CDK5RAP2: variants seen among roughly 807,000 people sequenced by gnomAD.
The protein encoded by CDK5RAP2 is CDK5 regulatory subunit associated protein 2.
In CDK5RAP2, 147 loss-of-function variants were observed where a neutral mutation model predicts 232.9. The observed-to-expected ratio is 0.63, with a 90% CI of 0.55 to 0.72. The LOEUF is 0.72. CDK5RAP2 is among the 30% of genes least tolerant of loss of function. The pLI, the probability that CDK5RAP2 is intolerant of heterozygous loss-of-function variation, is 0.00. For missense variants in CDK5RAP2, 2,195 were observed against 2,231.5 expected (o/e 0.98, Z 0.33); for synonymous variants, 833 against 833.7 (o/e 1.00, Z 0.01).
intron 16 of CDK5RAP2, among the ~76,000 whole-genome samples, chr9:120,470,584 T>C (rs2037641529): frequency 6.6e-6 from 1 of 151,680 alleles, no homozygotes; most frequent in Non-Finnish European, 1.5e-5. Flanking sequence ...TAGGGGAAAA[T>C]GCAGAAAAAT....
rs1210809252 is a variant in CDK5RAP2 at position 120,476,549 on chromosome 9, T to C, written c.1727+801A>G. ...AAAAAATTAGCCGGGCGTGGTGGTA[T>C]GTGCCTGTAGTCCCAACTACTTGGG... On this transcript the variant is annotated intron_variant, in intron 15 of 37. Transcript: ENST00000349780. Among the ~76,000 whole-genome samples the C allele has an allele frequency of 5.3e-5, 8 of 151,906 alleles. No homozygotes were observed. The South Asian group carries it at 1.7e-3, about 32-fold the overall frequency.
At chr9:120,461,874 C>T (rs1279901219) in intron 18 of CDK5RAP2, among the ~76,000 whole-genome samples, 1 of 152,274 alleles carries the variant, frequency 6.6e-6, no homozygotes, top group Non-Finnish European at 1.5e-5. Context: ...GAGTCTGCAC[C>T]GAAGGTGCTG....
In CDK5RAP2 at chr9:120,403,665, C is replaced by A; in HGVS notation, c.5041+371G>T. Reference sequence around the variant, plus strand: ...AGTGGGACAAAGGGGGTCTAAAAGTCACAGTGAGAGGAAAGTGTGGGCCTG... The same window carrying A: ...AGTGGGACAAAGGGGGTCTAAAAGTAACAGTGAGAGGAAAGTGTGGGCCTG... On this transcript the variant is annotated intron_variant, in intron 33 of 37. Coordinates refer to ENST00000349780, the MANE Select transcript of CDK5RAP2 (RefSeq NM_018249.6). This position sits in a 1 kb window ranked among gnomAD's most constrained non-coding sequence, Gnocchi z 4.2. 1 of 347,192 alleles carries A rather than the reference C, an allele frequency of 2.9e-6. No individual in the cohort carries two copies. Among genetic ancestry groups the A allele is most frequent in the Non-Finnish European group, 5.5e-6 (1 of 182,624 alleles). The allele number at this position is 347,192 out of a possible 1,614,324, so 21.5% of individuals were successfully genotyped here. A position where few individuals can be genotyped will look rare whatever the true frequency, so the allele number is the denominator to read the frequency against.
chr9:120,499,029 G>A lies in CDK5RAP2; in HGVS notation c.1312-7552C>T, dbSNP rs575717844. On this transcript the variant is annotated intron_variant, in intron 12 of 37. Coordinates refer to ENST00000349780, the MANE Select transcript of CDK5RAP2 (RefSeq NM_018249.6). The stretch of plus-strand genomic sequence containing the variant: ...CAAAGTGCTGGGATTACAGGCATGA[G>A]CCACCACTCCCATCCTTGGATCATG... Among the ~76,000 whole-genome samples, 5 of 152,250 alleles carry A rather than the reference G, an allele frequency of 3.3e-5. No homozygotes were observed. In the East Asian group the frequency reaches 9.6e-4, roughly 29 times the overall value.
chr9:120,418,705 T>C (rs2034384478), intron 27 of CDK5RAP2, among the ~76,000 whole-genome samples: 1 of 152,090 alleles, frequency 6.6e-6, no homozygotes. Flanking sequence ...CCAAAGAAAC[T>C]AGGGCTAGAT....
Position 120,528,744 on chromosome 9 carries a change from C to T in CDK5RAP2, c.879G>A (p.Gln293=), listed in dbSNP as rs2041015625. The change falls in exon 9 of 38, where the codon CAG becomes CAA. Residue 293 remains glutamine (Q), a splice_region_variant and synonymous_variant. Transcript: ENST00000349780. ...ATTTTTTAAAATTGTATCAACATAC[C>T]TGGATCCTCTCTTCAAAGCTGTTTC... ...KERNSFEERI[Q]ALEEDLREKE... 2.5e-6 allele frequency: 4 copies of T among 1,587,542 alleles called. No homozygotes were observed. The highest frequency in any genetic ancestry group is 3.5e-6 in the Non-Finnish European group (4 of 1,155,570).
At chr9:120,549,442 A>T (rs1190666338) in intron 4 of CDK5RAP2, among the ~76,000 whole-genome samples, 3 of 152,222 alleles carry the variant, frequency 2.0e-5, no homozygotes, top group Admixed American at 6.5e-5. Context: ...CACTGAAGAA[A>T]GGGGCAATGA....
At chr9:120,499,452 A>G (rs2039474136) in intron 12 of CDK5RAP2, among the ~76,000 whole-genome samples, 1 of 152,108 alleles carries the variant, frequency 6.6e-6, no homozygotes, top group Non-Finnish European at 1.5e-5. Context: ...ATTATAGATG[A>G]TTTTTTTAAT....
At chr9:120,571,810 A>G (rs2042864670) in intron 2 of CDK5RAP2, 164 bp downstream of exon 2, 2 of 678,434 alleles carry the variant, frequency 2.9e-6, no homozygotes, top group Non-Finnish European at 5.4e-6. Flanking sequence ...TTATGAAAGG[A>G]GGTGGAAAGC....
At chr9:120,567,306 G>A (rs1416929956) in intron 3 of CDK5RAP2, among the ~76,000 whole-genome samples, 1 of 152,234 alleles carries the variant, frequency 6.6e-6, no homozygotes, top group African/African-American at 2.4e-5. Flanking sequence ...GTGGTTTGCA[G>A]ATAACTATTA....
chr9:120,459,554 CCA>C, intron 19 of CDK5RAP2, among the ~76,000 whole-genome samples: 1 of 152,084 alleles, frequency 6.6e-6, no homozygotes, highest in Non-Finnish European at 1.5e-5. Context: ...TAAGCAACCT[CCA>C]AAGAAGGAAA....
At chr9:120,448,611 C>T (rs1008808272) in intron 21 of CDK5RAP2, among the ~76,000 whole-genome samples, 7 of 152,208 alleles carry the variant, frequency 4.6e-5, no homozygotes, top group South Asian at 4.2e-4. Context: ...TAGTGACTTA[C>T]GGGCACTACA....
chr9:120,444,229 T>C (rs893137678), intron 22 of CDK5RAP2, among the ~76,000 whole-genome samples: 3 of 152,250 alleles, frequency 2.0e-5, no homozygotes, highest in Non-Finnish European at 2.9e-5. Context: ...GCCTGGGCAA[T>C]ATAGCAAGAC....
intron 1 of CDK5RAP2, among the ~76,000 whole-genome samples, chr9:120,576,569 G>A (rs1260583128): frequency 6.6e-6 from 1 of 152,126 alleles, no homozygotes; most frequent in Non-Finnish European, 1.5e-5. Flanking sequence ...GAGCATGGTG[G>A]CACGTGCCTG....
At chr9:120,555,380 C>T (rs920759926) in intron 3 of CDK5RAP2, among the ~76,000 whole-genome samples, 1 of 152,090 alleles carries the variant, frequency 6.6e-6, no homozygotes, top group Non-Finnish European at 1.5e-5. Context: ...TCAAGTGATC[C>T]GCCCGCCTTG....
chr9:120,489,271 A>G (rs1394436832), intron 13 of CDK5RAP2, among the ~76,000 whole-genome samples: 3 of 152,230 alleles, frequency 2.0e-5, no homozygotes, highest in Non-Finnish European at 4.4e-5. Flanking sequence ...GAAGCCTTTC[A>G]GGTCCTCTCT....
At chr9:120,519,053 T>C (rs1445493531) in intron 11 of CDK5RAP2, among the ~76,000 whole-genome samples, 1 of 151,798 alleles carries the variant, frequency 6.6e-6, no homozygotes, top group African/African-American at 2.4e-5. Flanking sequence ...TGGGTGCCTG[T>C]AGTCCCAGCT....
At chr9:120,478,476 T>C (rs2038135447) in intron 14 of CDK5RAP2, among the ~76,000 whole-genome samples, 1 of 152,164 alleles carries the variant, frequency 6.6e-6, no homozygotes, top group South Asian at 2.1e-4. Flanking sequence ...GATGACTATA[T>C]GTAACAATAC....
Position 120,403,910 on chromosome 9 carries a change from T to C in CDK5RAP2, c.5041+126A>G. 1.4e-6 allele frequency: 1 copy of C among 726,754 alleles called. No homozygotes were observed. The highest frequency in any genetic ancestry group is 2.7e-5 in the East Asian group (1 of 37,446). The allele number at this position is 726,754 out of a possible 1,614,324, so 45.0% of individuals were successfully genotyped here. On this transcript the variant is annotated intron_variant, in intron 33 of 37. Coordinates refer to ENST00000349780, the MANE Select transcript of CDK5RAP2 (RefSeq NM_018249.6). The surrounding 1 kb of genome is among the most constrained non-coding windows in gnomAD (Gnocchi z 4.2). ...ATCACCAGCTGGGGATGCTGAGAAC[T>C]TGAAATCCCAAATCCTTACCAAATA...
Sources: allele counts gnomAD v4.1 joint callset (sites outside exome capture counted in the v4.1 genomes callset), GRCh38; gene constraint gnomAD v4.1.1; non-coding constraint Gnocchi (gnomAD v3.1); transcripts MANE v1.5; gene names NCBI Gene and HGNC (gene_info 2026-07-23, HGNC 2026-07-21).